Variants in TRERF1 observed in about 807,000 individuals in gnomAD.
The protein encoded by TRERF1 is transcriptional-regulating factor 1.
In TRERF1, 27 loss-of-function variants were observed where a neutral mutation model predicts 122.9. The observed-to-expected ratio is 0.22, with a 90% CI of 0.16 to 0.30. TRERF1 has a LOEUF of 0.30. Ranked by LOEUF, TRERF1 falls within the 10% of genes least tolerant of loss-of-function variation. The pLI is 1.00. For missense variants in TRERF1, 1,248 were observed against 1,560.3 expected (o/e 0.80, Z 3.37); for synonymous variants, 636 against 641.7 (o/e 0.99, Z 0.13).
intron 2 of TRERF1, among the ~76,000 whole-genome samples, chr6:42,434,939 C>T (rs1785071455): frequency 6.6e-6 from 1 of 152,012 alleles, no homozygotes; most frequent in Non-Finnish European, 1.5e-5. Context: ...ACCAGCCTGG[C>T]CAACATGGTG....
At chr6:42,241,471 T>C (rs1053047793) in intron 15 of TRERF1, among the ~76,000 whole-genome samples, 3 of 152,156 alleles carry the variant, frequency 2.0e-5, no homozygotes, top group African/African-American at 4.8e-5. Context: ...AGTCCAATTT[T>C]TTTTTTTCAG....
At chr6:42,437,717 G>A (rs566919378) in intron 2 of TRERF1, among the ~76,000 whole-genome samples, 4 of 152,142 alleles carry the variant, frequency 2.6e-5, no homozygotes, top group South Asian at 4.1e-4. Context: ...TCTGAGTTCC[G>A]GAGTCTGAAT....
intron 3 of TRERF1, among the ~76,000 whole-genome samples, chr6:42,321,309 C>G (rs532941869): frequency 2.6e-4 from 39 of 151,898 alleles, no homozygotes; most frequent in Admixed American, 9.8e-4. Context: ...CAGGTGACAG[C>G]TCTGTAGCAG....
intron 3 of TRERF1, among the ~76,000 whole-genome samples, chr6:42,313,080 G>A (rs545069427): frequency 6.6e-6 from 1 of 152,252 alleles, no homozygotes; most frequent in East Asian, 1.9e-4. Context: ...GAAAGGCAGG[G>A]CTGGCTGTGT....
chr6:42,342,691 C>G (rs1767515844), intron 3 of TRERF1, among the ~76,000 whole-genome samples: 1 of 152,210 alleles, frequency 6.6e-6, no homozygotes, highest in Admixed American at 6.5e-5. Context: ...CCTTGCATAC[C>G]TCTAATGATG....
At chr6:42,438,954 G>A (rs1362154128) in intron 2 of TRERF1, among the ~76,000 whole-genome samples, 1 of 152,172 alleles carries the variant, frequency 6.6e-6, no homozygotes, top group African/African-American at 2.4e-5. Context: ...CCAACAGAGT[G>A]GAGAGTGGAA....
intron 14 of TRERF1, among the ~76,000 whole-genome samples, chr6:42,246,101 G>A (rs1231548438): frequency 6.6e-6 from 1 of 152,072 alleles, no homozygotes; most frequent in Non-Finnish European, 1.5e-5. Context: ...GAGTGAAACT[G>A]TCTTGGAAAA....
At chr6:42,443,445 C>T (rs1786893017) in intron 2 of TRERF1, among the ~76,000 whole-genome samples, 1 of 152,202 alleles carries the variant, frequency 6.6e-6, no homozygotes, top group African/African-American at 2.4e-5. Context: ...CTAATGACTG[C>T]TTTTAGGTAG....
intron 2 of TRERF1, among the ~76,000 whole-genome samples, chr6:42,449,369 C>A (rs1171955937): frequency 2.0e-5 from 3 of 151,928 alleles, no homozygotes; most frequent in Non-Finnish European, 4.4e-5. Flanking sequence ...TCCTATAAAT[C>A]AGATCCTGAC....
chr6:42,269,855 G>A lies in TRERF1; in HGVS notation c.-258-7C>T, dbSNP rs1561877731. On this transcript the variant is annotated splice_polypyrimidine_tract_variant and splice_region_variant and intron_variant, in intron 4 of 17. Coordinates refer to ENST00000372922, the Ensembl canonical transcript of TRERF1. This position sits in a 1 kb window ranked among gnomAD's most constrained non-coding sequence, Gnocchi z 4.9. The stretch of plus-strand genomic sequence containing the variant: ...GAGGAGACGTCGCTCACACCTGCAA[G>A]GCAAGATGCAAAAGACAGGAAAGGA... 2.8e-6 allele frequency: 2 copies of A among 715,052 alleles called. No homozygotes were observed. Among genetic ancestry groups the A allele is most frequent in the Non-Finnish European group, 4.1e-6 (2 of 492,894 alleles). 44.3% of individuals were successfully genotyped at this position (715,052 alleles called of 1,614,324 possible).
At position 42,259,417 on chromosome 6, in the gene TRERF1, C is replaced by G. The variant is rs775958427; in HGVS notation, c.2191G>C (p.Gly731Arg). ...TGCGGGTGGGCGCCAGGGCCGTGGCCGGAGATGAGGACATTGCTGAAGAGC... is the reference window on the plus strand; with the variant it reads ...TGCGGGTGGGCGCCAGGGCCGTGGCGGGAGATGAGGACATTGCTGAAGAGC... The change falls in exon 9 of 18, where the codon GGC becomes CGC. Residue 731 changes from glycine (G) to arginine (R), a missense_variant. Coordinates refer to ENST00000372922, the Ensembl canonical transcript of TRERF1. This position sits in a 1 kb window ranked among gnomAD's most constrained non-coding sequence, Gnocchi z 4.9. 1 of 1,561,770 alleles carries G rather than the reference C, an allele frequency of 6.4e-7. No individual in the cohort carries two copies. Among genetic ancestry groups the G allele is most frequent in the African/African-American group, 1.4e-5 (1 of 73,388 alleles).
intron 3 of TRERF1, among the ~76,000 whole-genome samples, chr6:42,342,210 C>A (rs752577526): frequency 6.6e-6 from 1 of 152,206 alleles, no homozygotes; most frequent in Admixed American, 6.5e-5. Context: ...CTGTCCCTTC[C>A]GCTTAGGGCA....
At chr6:42,260,295 C>A (rs1304075851) in intron 8 of TRERF1, among the ~76,000 whole-genome samples, 1 of 151,984 alleles carries the variant, frequency 6.6e-6, no homozygotes, top group Non-Finnish European at 1.5e-5. Context: ...CTTCCATGTG[C>A]TCACCTAAAA....
intron 2 of TRERF1, among the ~76,000 whole-genome samples, chr6:42,403,841 C>G (rs1779772127): frequency 6.6e-6 from 1 of 152,190 alleles, no homozygotes; most frequent in Non-Finnish European, 1.5e-5. Context: ...TTAGTGTCCT[C>G]CAGGGCTTCA....
intron 2 of TRERF1, among the ~76,000 whole-genome samples, chr6:42,366,288 AAC>A (rs1243397369): frequency 6.6e-6 from 1 of 152,220 alleles, no homozygotes; most frequent in South Asian, 2.1e-4. Context: ...CCCGCTGCTC[AAC>A]ACAGTGTCTC....
intron 3 of TRERF1, among the ~76,000 whole-genome samples, chr6:42,306,434 C>T (rs1438659791): frequency 6.6e-6 from 1 of 152,200 alleles, no homozygotes; most frequent in African/African-American, 2.4e-5. Context: ...ATCAGGCCCT[C>T]GTGTATCTGC....
At chr6:42,299,094 ATCTGTCTGTCTG>A (rs1226466373) in intron 4 of TRERF1, among the ~76,000 whole-genome samples, 1 of 143,054 alleles carries the variant, frequency 7.0e-6, no homozygotes, top group Non-Finnish European at 1.6e-5. Flanking sequence ...CTATCTATCT[ATCTGTCTGTCTG>A]TCTGTCTGTC....
chr6:42,277,163 C>T (rs1781284146), intron 4 of TRERF1, among the ~76,000 whole-genome samples: 1 of 152,148 alleles, frequency 6.6e-6, no homozygotes, highest in Admixed American at 6.5e-5. Context: ...GTGGGAGCTG[C>T]AGGAGTCTAG....
chr6:42,348,085 A>G (rs1768678128), intron 3 of TRERF1, among the ~76,000 whole-genome samples: 1 of 152,228 alleles, frequency 6.6e-6, no homozygotes, highest in African/African-American at 2.4e-5. Context: ...TGGAATAGAA[A>G]GATGGGCATC....
Sources: allele counts gnomAD v4.1 joint callset (sites outside exome capture counted in the v4.1 genomes callset), GRCh38; gene constraint gnomAD v4.1.1; non-coding constraint Gnocchi (gnomAD v3.1); transcripts MANE v1.5; gene names NCBI Gene and HGNC (gene_info 2026-07-23, HGNC 2026-07-21).